LDHAL6A: variants seen among roughly 807,000 people sequenced by gnomAD.
LDHAL6A encodes the protein L-lactate dehydrogenase A-like 6A.
In LDHAL6A, 19 loss-of-function variants were observed where a neutral mutation model predicts 28.2. The ratio of observed to expected loss-of-function variants is 0.67; its 90% CI spans 0.47 to 0.99. The LOEUF (loss-of-function observed/expected upper bound fraction) is 0.99. LDHAL6A is among the 50% of genes least tolerant of loss of function. The pLI is 0.00. For synonymous variants in LDHAL6A, 144 were observed against 134.4 expected, an observed-to-expected ratio of 1.07 and a Z score of -0.49; for missense variants, 372 against 398.6, an observed-to-expected ratio of 0.93 and a Z score of 0.57.
chr11:18,456,322 G>A lies in LDHAL6A; in HGVS notation c.-359G>A. 4.4e-6 allele frequency: 1 copy of A among 226,676 alleles called. No individual in the cohort carries two copies. The highest frequency in any genetic ancestry group is 1.6e-4 in the East Asian group (1 of 6,092). The allele number at this position is 226,676 out of a possible 1,614,324, so 14.0% of individuals were successfully genotyped here. A position where few individuals can be genotyped will look rare whatever the true frequency, so the allele number is the denominator to read the frequency against. On this transcript the variant is annotated 5_prime_UTR_variant, in exon 1 of 7. Coordinates refer to ENST00000280706, the MANE Select transcript of LDHAL6A (RefSeq NM_144972.5). ...GAGGTTGGGGGAACAGCAGGGTAAA[G>A]GGGAGAGAAAAGGGGGTCAGCTGCG...
intron 1 of LDHAL6A, among the ~76,000 whole-genome samples, chr11:18,460,914 A>T (rs1477916702): frequency 1.3e-5 from 2 of 152,082 alleles, no homozygotes; most frequent in East Asian, 1.9e-4. Context: ...GATAGCTCAC[A>T]GCAACCTCCG....
At position 18,465,826 on chromosome 11, in the gene LDHAL6A, T is replaced by G. The variant is rs1200608424; in HGVS notation, c.418+16T>G. ...ACTAATCCAGGTCAGCTTTGTTGTT[T>G]TAAATTTTCAACTTTTAGATTCGGG... On this transcript the variant is annotated intron_variant, in intron 3 of 6. Coordinates refer to ENST00000280706, the MANE Select transcript of LDHAL6A (RefSeq NM_144972.5). The G allele has an allele frequency of 3.7e-6, 6 of 1,603,508 alleles. No individual in the cohort carries two copies. In the Admixed American group the frequency reaches 6.8e-5, roughly 18 times the overall value.
intron 2 of LDHAL6A, among the ~76,000 whole-genome samples, chr11:18,464,992 G>GTTTTTTTTTTTTTTTTTTTTTTT (rs1212053975): frequency 8.3e-6 from 1 of 119,822 alleles, no homozygotes; most frequent in African/African-American, 3.5e-5. Context: ...TTTTTGTTTT[G>GTTTTTTTTTTTTTTTTTTTTTTT]TTTTGTTTTG....
At chr11:18,461,016 T>C (rs1039582595) in intron 1 of LDHAL6A, among the ~76,000 whole-genome samples, 75 of 152,304 alleles carry the variant, frequency 4.9e-4, no homozygotes, top group African/African-American at 1.5e-3. Flanking sequence ...TTTTGTATTT[T>C]TAGTAGAGAC....
intron 3 of LDHAL6A, among the ~76,000 whole-genome samples, chr11:18,474,383 T>G (rs1019621042): frequency 1.3e-5 from 2 of 149,302 alleles, no homozygotes; most frequent in Admixed American, 6.7e-5. Flanking sequence ...GGTGATGACG[T>G]ATGTTTCTTT....
chr11:18,463,262 A>C lies in LDHAL6A; in HGVS notation c.127-699A>C, dbSNP rs190183980. Reference sequence around the variant, plus strand: ...CTATGGATGAATGGGTTATCAGGGGAGTGGGAATGGTAGCTTTATAAGAAG... The same window carrying C: ...CTATGGATGAATGGGTTATCAGGGGCGTGGGAATGGTAGCTTTATAAGAAG... On this transcript the variant is annotated intron_variant, in intron 1 of 6. Transcript: ENST00000280706. Among the ~76,000 whole-genome samples, 989 of 151,990 alleles carry C rather than the reference A, an allele frequency of 6.5e-3. 5 individuals are homozygous for C. The highest frequency in any genetic ancestry group is 0.011 in the Non-Finnish European group (726 of 67,982).
chr11:18,460,508 G>A (rs1031171245), intron 1 of LDHAL6A, among the ~76,000 whole-genome samples: 4 of 150,196 alleles, frequency 2.7e-5, no homozygotes, highest in East Asian at 1.9e-4. Context: ...CAGGAGAATC[G>A]CTTGAACCCG....
rs1431253963 is a variant in LDHAL6A, at chr11:18,475,586, T to C, written c.539T>C (p.Ile180Thr). 1.2e-6 allele frequency: 2 copies of C among 1,614,058 alleles called. No homozygotes were observed. The highest frequency in any genetic ancestry group is 1.3e-5 in the African/African-American group (1 of 74,924). The change falls in exon 4 of 7, where the codon ATC (isoleucine) becomes ACC (threonine). Residue 180 changes from isoleucine to threonine, a missense_variant. Ile to Thr is a moderately conservative substitution (Grantham distance 89). Coordinates refer to ENST00000280706, the MANE Select transcript of LDHAL6A (RefSeq NM_144972.5). The part of the protein sequence containing the change: ...FRYFIGQRLG[I>T]HSESCHGLIL... ...TACTTTATTGGGCAAAGGCTTGGCA[T>C]CCACTCTGAAAGCTGTCATGGGCTG...
intron 3 of LDHAL6A, among the ~76,000 whole-genome samples, chr11:18,468,013 ACATATATATACG>A (rs1849152987): frequency 1.4e-5 from 1 of 72,294 alleles, no homozygotes; most frequent in Admixed American, 1.8e-4. Flanking sequence ...GTATATATAT[ACATATATATACG>A]TATATATATA....
chr11:18,462,960 T>C (rs1848964992), intron 1 of LDHAL6A, among the ~76,000 whole-genome samples: 1 of 151,876 alleles, frequency 6.6e-6, no homozygotes, highest in African/African-American at 2.4e-5. Flanking sequence ...CTAGTGTTTT[T>C]TTTTTTTCAA....
intron 1 of LDHAL6A, among the ~76,000 whole-genome samples, chr11:18,461,303 C>A (rs1848895497): frequency 6.6e-6 from 1 of 151,474 alleles, no homozygotes; most frequent in African/African-American, 2.4e-5. Context: ...TGCCAACACG[C>A]CCGGCTAATT....
Position 18,467,936 on chromosome 11 carries a change from TAC to T in LDHAL6A, c.418+2134_418+2135del, listed in dbSNP as rs1209697435. On this transcript the variant is annotated intron_variant, in intron 3 of 6. Coordinates refer to ENST00000280706, the MANE Select transcript of LDHAL6A (RefSeq NM_144972.5). ...ATATATATACACACACATATATATA[TAC>T]ACACACATATATATATACGTATATA... 1.2e-3 allele frequency among the ~76,000 whole-genome samples: 79 copies of T among 65,012 alleles called. 1 individual carries two copies. The highest frequency in any genetic ancestry group is 5.3e-3 in the African/African-American group (72 of 13,556). 42.7% of individuals were successfully genotyped at this position (65,012 alleles called of 152,430 possible). A position where few individuals can be genotyped will look rare whatever the true frequency, so the allele number is the denominator to read the frequency against.
chr11:18,464,968 G>GTTTTTTTTTTTTT (rs1565068644), intron 2 of LDHAL6A, among the ~76,000 whole-genome samples: 6 of 3,794 alleles, frequency 1.6e-3, no homozygotes, highest in Admixed American at 3.0e-3. Flanking sequence ...GAGGTGAGGT[G>GTTTTTTTTTTTTT]TTTTTTTTGT....
At chr11:18,460,114 A>C (rs1848860089) in intron 1 of LDHAL6A, among the ~76,000 whole-genome samples, 2 of 152,138 alleles carry the variant, frequency 1.3e-5, no homozygotes, top group South Asian at 4.1e-4. Context: ...CTTGGCTTTG[A>C]ATTTCCAGTA....
intron 3 of LDHAL6A, 132 bp downstream of exon 3, chr11:18,465,942 T>G: frequency 1.6e-6 from 1 of 643,428 alleles, no homozygotes. Flanking sequence ...CTGAGCAAAG[T>G]ACCTAATAGT....
rs1315177025 is a variant in LDHAL6A at position 18,466,332 on chromosome 11, G to T, written c.418+522G>T. ...TATGTACTTTGCACAGTGGTAATCA[G>T]TGTATATACTATAATGACTTTAAAA... is the stretch of plus-strand genomic sequence containing the variant. On this transcript the variant is annotated intron_variant, in intron 3 of 6. Coordinates refer to ENST00000280706, the MANE Select transcript of LDHAL6A (RefSeq NM_144972.5). 3.9e-5 allele frequency among the ~76,000 whole-genome samples: 6 copies of T among 152,020 alleles called. No homozygotes were observed. The South Asian group carries it at 6.2e-4, about 16-fold the overall frequency.
intron 3 of LDHAL6A, among the ~76,000 whole-genome samples, chr11:18,469,566 AAAT>A (rs1298860713): frequency 6.6e-6 from 1 of 152,242 alleles, no homozygotes; most frequent in Non-Finnish European, 1.5e-5. Flanking sequence ...ACAGCAGTAA[AAAT>A]AAGGAAAAAT....
intron 3 of LDHAL6A, chr11:18,468,817 A>G: frequency 5.9e-6 from 1 of 168,888 alleles, no homozygotes; most frequent in Non-Finnish European, 1.3e-5. Flanking sequence ...TAGATTATCA[A>G]AAGTTCTTTT....
In LDHAL6A at chr11:18,463,968, G is replaced by C. The variant is rs757682101; in HGVS notation, c.134G>C (p.Ser45Thr). The C allele has an allele frequency of 3.7e-6, 6 of 1,610,644 alleles. No individual in the cohort carries two copies. The Admixed American group carries it at 1.0e-4, about 27-fold the overall frequency. ...ACTAACAATGTTTTTCAGGGTTTGA[G>C]TGATGAACTTGTCCTTGTGGATGTT... ...CAISILLKGL[S>T]DELVLVDVDE... Residue 45 changes from serine (S) to threonine (T), a missense_variant, in exon 2 of 7, where the codon AGT (serine) becomes ACT (threonine). Coordinates refer to ENST00000280706, the MANE Select transcript of LDHAL6A (RefSeq NM_144972.5).
Sources: allele counts gnomAD v4.1 joint callset (sites outside exome capture counted in the v4.1 genomes callset), GRCh38; gene constraint gnomAD v4.1.1; transcripts MANE v1.5; gene names NCBI Gene and HGNC (gene_info 2026-07-23, HGNC 2026-07-21).